LRRC7: variants seen among roughly 807,000 people sequenced by gnomAD.
LRRC7 encodes leucine rich repeat containing 7, also known as leucine-rich repeat-containing protein 7.
In LRRC7, 23 loss-of-function variants were observed where a neutral mutation model predicts 175.7. The ratio of observed to expected loss-of-function variants is 0.13; its 90% CI spans 0.09 to 0.19. The LOEUF (loss-of-function observed/expected upper bound fraction) is 0.19. Ranked by LOEUF, LRRC7 falls within the 10% of genes least tolerant of loss-of-function variation. LRRC7 has a pLI of 1.00. For missense variants in LRRC7, 1,354 were observed against 1,904.7 expected (o/e 0.71, Z 5.38); for synonymous variants, 685 against 680.9 (o/e 1.01, Z -0.09).
chr1:69,872,743 A>G (rs1685677323), intron 7 of LRRC7, among the ~76,000 whole-genome samples: 1 of 152,176 alleles, frequency 6.6e-6, no homozygotes, highest in African/African-American at 2.4e-5. Flanking sequence ...ATAAATGGGA[A>G]GAATAATTAT....
chr1:69,858,283 C>T (rs1214240813), intron 7 of LRRC7, among the ~76,000 whole-genome samples: 1 of 152,116 alleles, frequency 6.6e-6, no homozygotes, highest in Non-Finnish European at 1.5e-5. Context: ...AACTAAAGAG[C>T]TTCTGCACAG....
At chr1:69,710,258 G>T in intron 2 of LRRC7, among the ~76,000 whole-genome samples, 1 of 111,330 alleles carries the variant, frequency 9.0e-6, no homozygotes, top group South Asian at 2.9e-4. Context: ...CAGCCTGGGC[G>T]ACATAGCAAG....
chr1:69,862,020 G>A (rs950104771), intron 7 of LRRC7, among the ~76,000 whole-genome samples: 5 of 152,124 alleles, frequency 3.3e-5, no homozygotes, highest in African/African-American at 1.2e-4. Context: ...CAGATCCACG[G>A]TAGCTGTGTG....
chr1:69,943,549 C>A (rs1322709850), intron 8 of LRRC7, among the ~76,000 whole-genome samples: 1 of 151,922 alleles, frequency 6.6e-6, no homozygotes, highest in Non-Finnish European at 1.5e-5. Flanking sequence ...ATACTAAAAA[C>A]CACTTAATTT....
chr1:69,732,343 AATAC>A (rs1249258889), intron 2 of LRRC7, among the ~76,000 whole-genome samples: 3 of 152,088 alleles, frequency 2.0e-5, no homozygotes, highest in East Asian at 1.9e-4. Flanking sequence ...AGGGAAAAAA[AATAC>A]ATACAGCTAA....
At position 70,141,312 on chromosome 1, in the gene LRRC7, C is replaced by G. The variant is rs1667053356; in HGVS notation, c.*19425C>G. The stretch of plus-strand genomic sequence containing the variant: ...AGAGTTAAGTCAGTAGAAAGGGAGC[C>G]TGCAAATGAGACAATAGCTTCATGC... On this transcript the variant is annotated 3_prime_UTR_variant, in exon 27 of 27. Coordinates refer to ENST00000651989, the MANE Select transcript of LRRC7 (RefSeq NM_001370785.2). 6.6e-6 allele frequency: 1 copy of G among 152,118 alleles called. No homozygotes were observed. The highest frequency in any genetic ancestry group is 6.6e-5 in the Admixed American group (1 of 15,254). The allele number at this position is 152,118 out of a possible 1,614,324, so 9.4% of individuals were successfully genotyped here. A position where few individuals can be genotyped will look rare whatever the true frequency, so the allele number is the denominator to read the frequency against.
At chr1:70,099,215 A>C (rs867035891) in intron 25 of LRRC7, among the ~76,000 whole-genome samples, 3,430 of 140,810 alleles carry the variant, frequency 0.024, 101 homozygotes, top group African/African-American at 0.069. Context: ...AACCAAAGAC[A>C]AAAACCACAT....
Position 70,013,063 on chromosome 1 carries a change from A to G in LRRC7, c.1224A>G (p.Leu408=). 6 of 1,584,458 alleles carry G rather than the reference A, an allele frequency of 3.8e-6. No homozygotes were observed. The highest frequency in any genetic ancestry group is 1.7e-5 in the Admixed American group (1 of 57,160). Residue 408 remains leucine, a synonymous_variant, in exon 13 of 27, where the codon CTA becomes CTG. Coordinates refer to ENST00000651989, the MANE Select transcript of LRRC7 (RefSeq NM_001370785.2). ...AAGAGATTGGACAGATGCAGAAACT[A>G]AGAGTCCTAAATTTGAGTGACAACA... ...LPEEIGQMQK[L]RVLNLSDNRL...
chr1:69,869,192 T>A (rs537818356), intron 7 of LRRC7, among the ~76,000 whole-genome samples: 2 of 152,180 alleles, frequency 1.3e-5, no homozygotes, highest in African/African-American at 4.8e-5. Flanking sequence ...AATAGGTTAT[T>A]GTAATAATCA....
chr1:70,082,316 T>G (rs1191862115), intron 24 of LRRC7, among the ~76,000 whole-genome samples: 1 of 152,244 alleles, frequency 6.6e-6, no homozygotes, highest in Non-Finnish European at 1.5e-5. Context: ...TCTCTGTTAT[T>G]TACTCAAGTT....
Position 70,087,061 on chromosome 1 carries a change from TTA to T in LRRC7, c.4453-2664_4453-2663del, listed in dbSNP as rs1663669632. The stretch of plus-strand genomic sequence containing the variant: ...GAGCAGTCTAGCCTCAGATCAGAAT[TTA>T]TGTTTGTTTGTCACATTTATAAAAC... On this transcript the variant is annotated intron_variant, in intron 24 of 26. Transcript: ENST00000651989. Among the ~76,000 whole-genome samples, 4 of 152,196 alleles carry T rather than the reference TTA, an allele frequency of 2.6e-5. No individual in the cohort carries two copies. The South Asian group carries it at 8.3e-4, about 31-fold the overall frequency.
At chr1:70,047,206 A>AAGCTG (rs1327677192) in intron 22 of LRRC7, among the ~76,000 whole-genome samples, 8 of 152,138 alleles carry the variant, frequency 5.3e-5, no homozygotes, top group African/African-American at 1.7e-4. Context: ...GGAAATTCTG[A>AAGCTG]AGCTGTCTCT....
At chr1:69,887,061 C>T (rs1172893004) in intron 7 of LRRC7, among the ~76,000 whole-genome samples, 72 of 149,418 alleles carry the variant, frequency 4.8e-4, no homozygotes, top group African/African-American at 1.8e-3. Flanking sequence ...TTTTTTCCTA[C>T]ATTTCAACTT....
At chr1:70,016,610 A>G (rs1571022677) in intron 14 of LRRC7, 76 bp downstream of exon 14, 1 of 1,128,072 alleles carries the variant, frequency 8.9e-7, no homozygotes, top group Non-Finnish European at 1.2e-6. Flanking sequence ...TTTATTCCCA[A>G]TAGATACCTT....
chr1:69,744,639 A>C (rs1258241616), intron 2 of LRRC7, among the ~76,000 whole-genome samples: 5 of 151,854 alleles, frequency 3.3e-5, no homozygotes, highest in Non-Finnish European at 7.4e-5. Context: ...TTAAATTGCT[A>C]AGGAATTATT....
At chr1:69,966,771 A>G (rs534304502) in intron 8 of LRRC7, among the ~76,000 whole-genome samples, 12 of 152,338 alleles carry the variant, frequency 7.9e-5, no homozygotes, top group Non-Finnish European at 1.5e-4. Context: ...AGCTGAGTCA[A>G]TTTAGAGAGC....
intron 8 of LRRC7, among the ~76,000 whole-genome samples, chr1:69,958,808 T>C (rs1570803208): frequency 6.6e-6 from 1 of 152,072 alleles, no homozygotes; most frequent in African/African-American, 2.4e-5. Flanking sequence ...ATGCCACATT[T>C]TGTCAGAGGA....
Position 70,131,904 on chromosome 1 carries a change from A to G in LRRC7, c.*10017A>G, listed in dbSNP as rs1666679615. On this transcript the variant is annotated 3_prime_UTR_variant, in exon 27 of 27. Coordinates refer to ENST00000651989, the MANE Select transcript of LRRC7 (RefSeq NM_001370785.2). ...GATAGTAAGAATATTTTAGAATAGT[A>G]AGAGTACTTTAATGAAATATTTTTA... is the stretch of plus-strand genomic sequence containing the variant. Among the ~76,000 whole-genome samples the G allele has an allele frequency of 6.6e-6, 1 of 152,218 alleles. No homozygotes were observed. The highest frequency in any genetic ancestry group is 2.4e-5 in the African/African-American group (1 of 41,460).
rs184892021 is a variant in LRRC7, at chr1:69,882,571, C to T, written c.647+44288C>T. ...TTTAGCCTTAAAAACAGAGATTCTA[C>T]CATTTGTAACAACATGGATGAAACT... is the stretch of plus-strand genomic sequence containing the variant. On this transcript the variant is annotated intron_variant, in intron 7 of 26. Transcript: ENST00000651989. Among the ~76,000 whole-genome samples the T allele has an allele frequency of 1.1e-3, 160 of 151,390 alleles. 2 individuals are homozygous for T. The highest frequency in any genetic ancestry group is 3.8e-3 in the African/African-American group (155 of 41,286).
Sources: allele counts gnomAD v4.1 joint callset (sites outside exome capture counted in the v4.1 genomes callset), GRCh38; gene constraint gnomAD v4.1.1; transcripts MANE v1.5; gene names NCBI Gene and HGNC (gene_info 2026-07-23, HGNC 2026-07-21).